Variants in SGCD observed in about 807,000 individuals in gnomAD.
The protein encoded by SGCD is delta-sarcoglycan.
A neutral mutation model predicts 36.6 loss-of-function variants in SGCD; 18 were observed. The ratio of observed to expected loss-of-function variants is 0.49; its 90% confidence interval spans 0.34 to 0.73. The LOEUF (loss-of-function observed/expected upper bound fraction) is 0.73, where lower values mean the gene tolerates loss of function less well. SGCD is among the 30% of genes least tolerant of loss of function. The probability of loss-of-function intolerance (pLI) is 0.01; values close to 1 mark genes in which losing one functional copy is unlikely to be tolerated. For synonymous variants in SGCD, 133 were observed against 130.6 expected, an observed-to-expected ratio of 1.02 and a Z score of -0.12; for missense variants, 387 against 346.7, an observed-to-expected ratio of 1.12 and a Z score of -0.92.
intron 3 of SGCD, among the ~76,000 whole-genome samples, chr5:156,285,619 A>T (rs1175407431): frequency 6.6e-6 from 1 of 152,234 alleles, no homozygotes; most frequent in South Asian, 2.1e-4. Context: ...CTGGCTAGCC[A>T]TATGTAGAAA....
chr5:155,764,436 A>G, the SGCD span, among the ~76,000 whole-genome samples: 1 of 152,128 alleles, frequency 6.6e-6, no homozygotes, highest in Non-Finnish European at 1.5e-5. Context: ...AACTGTTTTG[A>G]GCTGTGGGTC....
At chr5:156,134,249 G>A (rs1386896180) in intron 3 of SGCD, among the ~76,000 whole-genome samples, 1 of 152,158 alleles carries the variant, frequency 6.6e-6, no homozygotes, top group Non-Finnish European at 1.5e-5. Context: ...GGATTGAAGA[G>A]TCAATCTATG....
intron 3 of SGCD, among the ~76,000 whole-genome samples, chr5:156,348,862 C>CTA (rs1342484340): frequency 1.3e-5 from 2 of 151,990 alleles, no homozygotes; most frequent in Non-Finnish European, 2.9e-5. Context: ...TACTACAAGG[C>CTA]TATAGTAACC....
chr5:156,299,223 C>T (rs1241520398), intron 3 of SGCD, among the ~76,000 whole-genome samples: 1 of 152,116 alleles, frequency 6.6e-6, no homozygotes, highest in Non-Finnish European at 1.5e-5. Flanking sequence ...ATGTTCTTGG[C>T]ACCTTTTTTG....
chr5:156,311,812 G>A (rs955274297), intron 3 of SGCD, among the ~76,000 whole-genome samples: 1 of 152,168 alleles, frequency 6.6e-6, no homozygotes, highest in African/African-American at 2.4e-5. Context: ...GCTAGACCCA[G>A]CTCTTACCCA....
chr5:156,173,884 G>GT (rs1561549891), intron 3 of SGCD, among the ~76,000 whole-genome samples: 2 of 151,788 alleles, frequency 1.3e-5, no homozygotes, highest in African/African-American at 2.4e-5. Flanking sequence ...GGAAAATTAA[G>GT]TTTTTTATAT....
intron 3 of SGCD, among the ~76,000 whole-genome samples, chr5:156,406,817 TATACAC>T (rs1347590421): frequency 2.6e-5 from 3 of 113,806 alleles, no homozygotes; most frequent in Non-Finnish European, 5.2e-5. Context: ...TATATATATA[TATACAC>T]ACACACACAC....
At chr5:155,761,403 C>A in the SGCD span, among the ~76,000 whole-genome samples, 1 of 139,976 alleles carries the variant, frequency 7.1e-6, no homozygotes, top group Non-Finnish European at 1.6e-5. Flanking sequence ...ATCTCCATCA[C>A]CCTCTCCATC....
At chr5:155,793,667 T>G in the SGCD span, among the ~76,000 whole-genome samples, 16 of 151,472 alleles carry the variant, frequency 1.1e-4, no homozygotes, top group Non-Finnish European at 2.1e-4. Flanking sequence ...TCAGCCTCCC[T>G]AGTAGCTGGG....
chr5:156,565,541 G>A (rs1336780949), intron 4 of SGCD, among the ~76,000 whole-genome samples: 3 of 151,972 alleles, frequency 2.0e-5, no homozygotes, highest in African/African-American at 4.8e-5. Flanking sequence ...AATAAAATTT[G>A]CATAAATTCA....
At chr5:156,318,642 A>T (rs541365539) in intron 3 of SGCD, among the ~76,000 whole-genome samples, 12 of 145,110 alleles carry the variant, frequency 8.3e-5, no homozygotes, top group Non-Finnish European at 1.8e-4. Flanking sequence ...CCTAGGCTGG[A>T]TGGAGTGAAG....
intron 1 of SGCD, among the ~76,000 whole-genome samples, chr5:156,041,658 G>A (rs145020989): frequency 6.6e-6 from 1 of 152,296 alleles, no homozygotes; most frequent in Middle Eastern, 3.4e-3. Flanking sequence ...ATACACACTT[G>A]AAGAGAGAGT....
intron 1 of SGCD, among the ~76,000 whole-genome samples, chr5:156,328,346 G>T (rs966202222): frequency 1.3e-5 from 2 of 152,180 alleles, no homozygotes; most frequent in African/African-American, 4.8e-5. Context: ...GGTTTTTTCC[G>T]AACGGGGCTT....
At chr5:156,442,226 A>G (rs571134477) in intron 3 of SGCD, among the ~76,000 whole-genome samples, 2 of 152,330 alleles carry the variant, frequency 1.3e-5, no homozygotes, top group African/African-American at 4.8e-5. Context: ...GATGAAATGT[A>G]TGCAAATCAG....
chr5:156,146,958 C>T (rs1050243826), intron 3 of SGCD, among the ~76,000 whole-genome samples: 14 of 151,998 alleles, frequency 9.2e-5, no homozygotes, highest in South Asian at 2.1e-4. Flanking sequence ...ACTTACTTTG[C>T]CAAAGTATAA....
intron 4 of SGCD, among the ~76,000 whole-genome samples, chr5:156,544,799 T>A (rs1444185419): frequency 6.6e-6 from 1 of 152,166 alleles, no homozygotes; most frequent in Non-Finnish European, 1.5e-5. Context: ...TCATTGACCA[T>A]GTTAACTTGC....
In SGCD at chr5:156,172,668, G is replaced by A. The variant is rs1376257257; in HGVS notation, c.-44+48649G>A. The stretch of plus-strand genomic sequence containing the variant: ...GAAATAACCTTTGGATGTGAAGGGA[G>A]CTTATGTGACATTGGAGTCCTCATC... On this transcript the variant is annotated intron_variant, in intron 3 of 9. Coordinates refer to the SGCD transcript ENST00000517913. Among the ~76,000 whole-genome samples, 11 of 152,282 alleles carry A rather than the reference G, an allele frequency of 7.2e-5. No homozygotes were observed. The East Asian group carries it at 1.9e-3, about 27-fold the overall frequency.
chr5:155,837,472 A>G, the SGCD span, among the ~76,000 whole-genome samples: 1 of 152,118 alleles, frequency 6.6e-6, no homozygotes, highest in Non-Finnish European at 1.5e-5. Context: ...AAAATTATTT[A>G]TGATACTTTT....
intron 4 of SGCD, among the ~76,000 whole-genome samples, chr5:156,521,710 G>C (rs564767504): frequency 6.6e-6 from 1 of 152,262 alleles, no homozygotes; most frequent in South Asian, 2.1e-4. Context: ...TGCTAGTGAG[G>C]CTGTGGGGAA....
Sources: allele counts gnomAD v4.1 joint callset (sites outside exome capture counted in the v4.1 genomes callset), GRCh38; gene constraint gnomAD v4.1.1; transcripts MANE v1.5; gene names NCBI Gene and HGNC (gene_info 2026-07-23, HGNC 2026-07-21).